Variants in RIN3 observed in about 807,000 individuals in gnomAD.
RIN3 encodes Ras and Rab interactor 3, also known as RAB5 interacting protein 3.
In RIN3, 54 loss-of-function variants were observed where a neutral mutation model predicts 76.3. That is an observed-to-expected ratio of 0.71 (90% CI 0.57 to 0.89). RIN3 has a LOEUF of 0.89. Ranked by LOEUF, RIN3 falls within the 40% of genes least tolerant of loss-of-function variation. The pLI is 0.00. For synonymous variants in RIN3, 576 were observed against 564.0 expected (o/e 1.02, Z -0.30); for missense variants, 1,256 against 1,322.1 (o/e 0.95, Z 0.78).
At chr14:92,641,362 TG>T (rs1887006659) in intron 5 of RIN3, 33 bp downstream of exon 5, 1 of 1,551,624 alleles carries the variant, frequency 6.4e-7, no homozygotes, top group Non-Finnish European at 8.9e-7. Context: ...GGGGAGCTGG[TG>T]GGGCGTTAGG....
chr14:92,584,593 C>T (rs1234908997), intron 3 of RIN3, among the ~76,000 whole-genome samples: 1 of 152,072 alleles, frequency 6.6e-6, no homozygotes, highest in Non-Finnish European at 1.5e-5. Flanking sequence ...CACTGGGGAC[C>T]CTCAGAGGCC....
At chr14:92,524,804 C>G (rs987438415) in intron 1 of RIN3, among the ~76,000 whole-genome samples, 1 of 152,218 alleles carries the variant, frequency 6.6e-6, no homozygotes, top group African/African-American at 2.4e-5. Context: ...TGTGGGCTGT[C>G]TCCAACCAAG....
At chr14:92,519,125 T>C (rs1896524162) in intron 1 of RIN3, among the ~76,000 whole-genome samples, 1 of 152,014 alleles carries the variant, frequency 6.6e-6, no homozygotes, top group South Asian at 2.1e-4. Context: ...CCTAGAGTAA[T>C]AGCATTCAGG....
chr14:92,534,540 A>G (rs1896952182), intron 1 of RIN3, among the ~76,000 whole-genome samples: 1 of 151,296 alleles, frequency 6.6e-6, no homozygotes, highest in Admixed American at 6.6e-5. Flanking sequence ...GTGAGCCAAG[A>G]TCGTGCCACT....
intron 1 of RIN3, among the ~76,000 whole-genome samples, chr14:92,532,663 G>A (rs936735752): frequency 2.0e-5 from 3 of 152,172 alleles, no homozygotes; most frequent in African/African-American, 7.2e-5. Context: ...AGGAACTGCT[G>A]AGTAAGCAGC....
intron 3 of RIN3, among the ~76,000 whole-genome samples, chr14:92,603,754 C>A (rs1224746915): frequency 6.6e-6 from 1 of 152,202 alleles, no homozygotes; most frequent in Admixed American, 6.5e-5. Flanking sequence ...ACCAGCAGTG[C>A]TGGCAGCCCT....
At chr14:92,678,468 TCCAC>T (rs142902678) in intron 8 of RIN3, among the ~76,000 whole-genome samples, 6,713 of 49,322 alleles carry the variant, frequency 0.14, 509 homozygotes, top group East Asian at 0.33. Context: ...CACCTACCCA[TCCAC>T]CCACCCACCC....
intron 1 of RIN3, among the ~76,000 whole-genome samples, chr14:92,531,970 C>T (rs185105046): frequency 3.7e-4 from 56 of 151,744 alleles, no homozygotes; most frequent in Admixed American, 7.9e-4. Flanking sequence ...ACTCTGTAGC[C>T]CAGGCTGGAG....
intron 2 of RIN3, among the ~76,000 whole-genome samples, chr14:92,567,690 A>G (rs1897953468): frequency 6.6e-6 from 1 of 151,550 alleles, no homozygotes; most frequent in South Asian, 2.1e-4. Context: ...GGAGGTGAAA[A>G]TAGACTCCAT....
chr14:92,554,422 C>T (rs540472806), intron 1 of RIN3, among the ~76,000 whole-genome samples: 25 of 152,156 alleles, frequency 1.6e-4, no homozygotes, highest in Non-Finnish European at 2.6e-4. Context: ...CTTCCCCCAC[C>T]GTGCTGTGTT....
intron 3 of RIN3, among the ~76,000 whole-genome samples, chr14:92,607,753 A>C (rs772930131): frequency 2.0e-5 from 3 of 152,238 alleles, no homozygotes; most frequent in Non-Finnish European, 2.9e-5. Context: ...CATAGTAACT[A>C]AAAACTGGAA....
chr14:92,675,347 C>T (rs1888423581), intron 7 of RIN3, among the ~76,000 whole-genome samples: 2 of 152,128 alleles, frequency 1.3e-5, no homozygotes, highest in African/African-American at 4.8e-5. Flanking sequence ...TCCTGATGGT[C>T]CCTAAATCCT....
intron 5 of RIN3, among the ~76,000 whole-genome samples, chr14:92,650,198 G>A (rs1367380105): frequency 3.3e-5 from 5 of 152,166 alleles, no homozygotes; most frequent in East Asian, 1.9e-4. Flanking sequence ...GGGAAGTGTC[G>A]CAAGTTCCTA....
At chr14:92,573,491 C>G (rs1056691498) in intron 2 of RIN3, among the ~76,000 whole-genome samples, 10 of 3,206 alleles carry the variant, frequency 3.1e-3, no homozygotes, top group Non-Finnish European at 5.1e-3. Context: ...GTTGGTCACA[C>G]GGGGGGCCGA....
At chr14:92,679,227 C>A (rs906014980) in intron 8 of RIN3, among the ~76,000 whole-genome samples, 1 of 152,174 alleles carries the variant, frequency 6.6e-6, no homozygotes, top group African/African-American at 2.4e-5. Context: ...GTAGGCAGAG[C>A]CCCCCAGCCC....
intron 8 of RIN3, among the ~76,000 whole-genome samples, chr14:92,679,965 C>T (rs200538839): frequency 6.6e-5 from 10 of 152,228 alleles, no homozygotes; most frequent in Middle Eastern, 3.4e-3. Context: ...TGGATGCTCT[C>T]GTATTCTGCA....
chr14:92,615,324 C>G (rs537099651), intron 3 of RIN3, 83 bp from the exon 4 acceptor site: 1 of 1,172,992 alleles, frequency 8.5e-7, no homozygotes, highest in East Asian at 2.3e-5. Flanking sequence ...ACACGCCCCC[C>G]GACCCCATCC....
At position 92,513,966 on chromosome 14, in the gene RIN3, G is replaced by A; in HGVS notation, c.34G>A (p.Asp12Asn). Residue 12 changes from aspartate to asparagine, a missense_variant, in exon 1 of 10, where the codon GAC becomes AAC. By Grantham distance (23) the Asp-to-Asn change is conservative. Transcript: ENST00000216487. ...ACACGCCGGGGCGCCCGCGCGCGGG[G>A]ACCCCACGGGGTAAGTCCGGGCGGC... is the stretch of plus-strand genomic sequence containing the variant. ...IRHAGAPARGDPTGPVPVVGK... is the reference protein window; with the variant it reads ...IRHAGAPARGNPTGPVPVVGK... 7 of 1,244,714 alleles carry A rather than the reference G, an allele frequency of 5.6e-6. No homozygotes were observed. Among genetic ancestry groups the A allele is most frequent in the Non-Finnish European group, 6.0e-6 (6 of 994,454 alleles). The allele number at this position is 1,244,714 out of a possible 1,614,324, so 77.1% of individuals were successfully genotyped here.
intron 2 of RIN3, among the ~76,000 whole-genome samples, chr14:92,558,347 C>CA (rs1312463419): frequency 1.3e-4 from 19 of 151,022 alleles, no homozygotes; most frequent in East Asian, 7.8e-4. Flanking sequence ...AGACTCTGTC[C>CA]AAAAAAAATG....
Sources: allele counts gnomAD v4.1 joint callset (sites outside exome capture counted in the v4.1 genomes callset), GRCh38; gene constraint gnomAD v4.1.1; transcripts MANE v1.5; gene names NCBI Gene and HGNC (gene_info 2026-07-23, HGNC 2026-07-21).